Variants in ASTN2 observed in about 807,000 individuals in gnomAD.
ASTN2 encodes astrotactin-2.
Under a neutral mutation model 139.8 loss-of-function variants are expected in ASTN2, and 54 were observed. The ratio of observed to expected loss-of-function variants is 0.39; its 90% CI spans 0.31 to 0.48. ASTN2 has a LOEUF of 0.48. ASTN2 is among the 20% of genes least tolerant of loss of function. The probability of loss-of-function intolerance (pLI) is 0.95; values close to 1 mark genes in which losing one functional copy is unlikely to be tolerated. For synonymous variants in ASTN2, 756 were observed against 719.5 expected (o/e 1.05, Z -0.81); for missense variants, 1,565 against 1,725.1 (o/e 0.91, Z 1.64).
chr9:117,306,154 G>C (rs1303113570), intron 1 of ASTN2, among the ~76,000 whole-genome samples: 1 of 152,090 alleles, frequency 6.6e-6, no homozygotes, highest in Non-Finnish European at 1.5e-5. Context: ...CCTCCCTCTG[G>C]CTCCCACCCC....
At chr9:116,774,361 G>T (rs1330377914) in intron 13 of ASTN2, among the ~76,000 whole-genome samples, 1 of 152,158 alleles carries the variant, frequency 6.6e-6, no homozygotes, top group African/African-American at 2.4e-5. Context: ...ATTCATCAGG[G>T]TAAAGGAAAA....
At chr9:116,907,710 T>C (rs1186991928) in intron 10 of ASTN2, among the ~76,000 whole-genome samples, 3 of 152,150 alleles carry the variant, frequency 2.0e-5, no homozygotes, top group Non-Finnish European at 4.4e-5. Flanking sequence ...TCATTACCAT[T>C]TGAGCTAGAA....
chr9:116,652,629 G>C (rs1160492478), intron 16 of ASTN2, among the ~76,000 whole-genome samples: 1 of 152,144 alleles, frequency 6.6e-6, no homozygotes, highest in African/African-American at 2.4e-5. Context: ...GAAAATGTCA[G>C]TATCCAAGTG....
At chr9:116,894,825 A>G (rs1405192074) in intron 10 of ASTN2, among the ~76,000 whole-genome samples, 1 of 152,140 alleles carries the variant, frequency 6.6e-6, no homozygotes, top group Non-Finnish European at 1.5e-5. Context: ...AGGGGAGGAG[A>G]TGGGATTAGA....
At chr9:117,110,111 AT>A (rs1438397154) in intron 4 of ASTN2, among the ~76,000 whole-genome samples, 6 of 152,200 alleles carry the variant, frequency 3.9e-5, no homozygotes, top group Non-Finnish European at 8.8e-5. Context: ...ATAATTTTTC[AT>A]CTTTTGAAAT....
chr9:116,626,167 T>G (rs1345218663), intron 17 of ASTN2, among the ~76,000 whole-genome samples: 6 of 125,978 alleles, frequency 4.8e-5, no homozygotes, highest in Non-Finnish European at 8.1e-5. Context: ...TTTTTTTTTT[T>G]TTTTTTTTTT....
At chr9:116,451,433 G>A (rs569053163) in intron 20 of ASTN2, among the ~76,000 whole-genome samples, 1 of 149,472 alleles carries the variant, frequency 6.7e-6, no homozygotes, top group East Asian at 2.0e-4. Flanking sequence ...ATTCTGCTAA[G>A]CACGGAAGAA....
chr9:116,822,055 C>T (rs1270425564), intron 11 of ASTN2, among the ~76,000 whole-genome samples: 2 of 152,110 alleles, frequency 1.3e-5, no homozygotes. Context: ...CATCCATCAC[C>T]GGACATCACT....
At chr9:117,283,183 T>C (rs1834366805) in intron 2 of ASTN2, among the ~76,000 whole-genome samples, 1 of 152,150 alleles carries the variant, frequency 6.6e-6, no homozygotes, top group African/African-American at 2.4e-5. Flanking sequence ...CCATGCTCAT[T>C]CTACTTCGCT....
intron 10 of ASTN2, among the ~76,000 whole-genome samples, chr9:116,964,217 GT>G (rs1348329083): frequency 0.026 from 695 of 27,066 alleles, 5 homozygotes; most frequent in African/African-American, 0.059. Flanking sequence ...CTGCCCTGGG[GT>G]GTGTGTGTGT....
chr9:116,487,297 T>C, intron 20 of ASTN2, 62 bp downstream of exon 20: 1 of 1,589,070 alleles, frequency 6.3e-7, no homozygotes, highest in Non-Finnish European at 8.6e-7. Context: ...CTCATGCCAT[T>C]CCTCTTAGGC....
At chr9:116,741,873 T>C (rs1829104141) in intron 13 of ASTN2, among the ~76,000 whole-genome samples, 1 of 152,204 alleles carries the variant, frequency 6.6e-6, no homozygotes, top group African/African-American at 2.4e-5. Flanking sequence ...TTATGCATCA[T>C]AGTTTAAGTT....
chr9:116,871,636 T>A (rs1833170064), intron 10 of ASTN2, among the ~76,000 whole-genome samples: 1 of 152,250 alleles, frequency 6.6e-6, no homozygotes, highest in Non-Finnish European at 1.5e-5. Flanking sequence ...TCAGCATGTA[T>A]CACTACTTCA....
rs369664934 is a variant in ASTN2 at position 116,980,995 on chromosome 9, C to T, written c.1592-4210G>A. On this transcript the variant is annotated intron_variant, in intron 7 of 22. Coordinates refer to ENST00000313400, the MANE Select transcript of ASTN2 (RefSeq NM_001365068.1). ...TATAGGGATAGGGAACTCCCTATCC[C>T]TATAACTCTAGTACCTTCCTTGCTC... Among the ~76,000 whole-genome samples the T allele has an allele frequency of 5.9e-4, 90 of 152,206 alleles. 1 individual carries two copies. The highest frequency in any genetic ancestry group is 5.8e-3 in the East Asian group (30 of 5,150).
At chr9:116,672,237 G>A (rs1232516579) in intron 16 of ASTN2, among the ~76,000 whole-genome samples, 1 of 151,892 alleles carries the variant, frequency 6.6e-6, no homozygotes, top group Non-Finnish European at 1.5e-5. Context: ...ATGGTGGCAT[G>A]AGCCTGTAGT....
intron 2 of ASTN2, among the ~76,000 whole-genome samples, chr9:117,284,212 T>C (rs1834392733): frequency 6.6e-6 from 1 of 152,104 alleles, no homozygotes; most frequent in African/African-American, 2.4e-5. Flanking sequence ...CAAGCGATCC[T>C]CCCACCTCAG....
At chr9:116,656,111 A>C (rs1180988139) in intron 16 of ASTN2, among the ~76,000 whole-genome samples, 2 of 152,184 alleles carry the variant, frequency 1.3e-5, no homozygotes, top group African/African-American at 2.4e-5. Flanking sequence ...AACTACATGA[A>C]GGAAAAGACA....
Position 116,443,776 on chromosome 9 carries a change from AGGGTAGAGGCAGTAGTGTGAAGT to A in ASTN2, c.3498-1246_3498-1224del, listed in dbSNP as rs1359741864. On this transcript the variant is annotated intron_variant, in intron 20 of 22. Coordinates refer to ENST00000313400, the MANE Select transcript of ASTN2 (RefSeq NM_001365068.1). ...TGTCATCCTTTTTCACCAGCTTTTAAGGGTAGAGGCAGTAGTGTGAAGTGGGTAGAGGGTTCCCTACATTAAGT... is the reference window on the plus strand; with the variant it reads ...TGTCATCCTTTTTCACCAGCTTTTAAGGGTAGAGGGTTCCCTACATTAAGT... Among the ~76,000 whole-genome samples, 6 of 152,160 alleles carry A rather than the reference AGGGTAGAGGCAGTAGTGTGAAGT, an allele frequency of 3.9e-5. No homozygotes were observed. In the East Asian group the frequency reaches 1.2e-3, roughly 29 times the overall value.
intron 19 of ASTN2, among the ~76,000 whole-genome samples, chr9:116,593,472 T>C (rs1289327100): frequency 6.6e-6 from 1 of 152,222 alleles, no homozygotes; most frequent in Non-Finnish European, 1.5e-5. Flanking sequence ...TTTTTATCTT[T>C]ACCTTCATTT....
Sources: gnomAD v4.1 joint callset for allele counts (sites outside exome capture counted in the v4.1 genomes callset) on GRCh38, gnomAD v4.1.1 for gene constraint, MANE v1.5 for transcripts, NCBI Gene and HGNC (gene_info 2026-07-23, HGNC 2026-07-21) for gene names.